CHODL: variants seen among roughly 807,000 people sequenced by gnomAD.
CHODL encodes the protein transmembrane protein MT75.
A neutral mutation model predicts 34.5 loss-of-function variants in CHODL; 29 were observed. The observed-to-expected ratio is 0.84, with a 90% CI of 0.63 to 1.15. CHODL has a LOEUF of 1.15. Ranked by LOEUF, CHODL falls within the 50% of genes most tolerant of loss-of-function variation. The probability of loss-of-function intolerance (pLI) is 0.00; values close to 1 mark genes in which losing one functional copy is unlikely to be tolerated. For missense variants in CHODL, 332 were observed against 332.5 expected, an observed-to-expected ratio of 1.00 and a Z score of 0.01; for synonymous variants, 125 against 116.1, an observed-to-expected ratio of 1.08 and a Z score of -0.49.
At chr21:18,174,553 T>C (rs989258747) in intron 2 of CHODL, among the ~76,000 whole-genome samples, 5 of 152,182 alleles carry the variant, frequency 3.3e-5, no homozygotes, top group Non-Finnish European at 7.4e-5. Flanking sequence ...TTTTTGAAGA[T>C]ACAATTATTG....
At chr21:18,196,715 A>C (rs2073592259) in intron 2 of CHODL, among the ~76,000 whole-genome samples, 1 of 152,200 alleles carries the variant, frequency 6.6e-6, no homozygotes, top group Admixed American at 6.5e-5. Context: ...TCATATAAAA[A>C]TAGGATTTTA....
intron 2 of CHODL, among the ~76,000 whole-genome samples, chr21:18,064,100 G>A (rs958734862): frequency 5.9e-5 from 9 of 152,220 alleles, no homozygotes; most frequent in Admixed American, 5.2e-4. Flanking sequence ...GTTCTTTTAA[G>A]AGCCTTTCTT....
chr21:18,245,322 C>T lies in CHODL; in HGVS notation c.79+20C>T. 2 of 1,510,208 alleles carry T rather than the reference C, an allele frequency of 1.3e-6. No homozygotes were observed. Among genetic ancestry groups the T allele is most frequent in the Non-Finnish European group, 1.8e-6 (2 of 1,134,112 alleles). The allele number at this position is 1,510,208 out of a possible 1,614,324, so 93.6% of individuals were successfully genotyped here. ...TCAGCGGTGAGTCAGGGGCCGTCTCCCCGAAGAACGAGCGGGGAGAGGGGA... is the reference window on the plus strand; with the variant it reads ...TCAGCGGTGAGTCAGGGGCCGTCTCTCCGAAGAACGAGCGGGGAGAGGGGA... On this transcript the variant is annotated intron_variant, in intron 1 of 5. Coordinates refer to ENST00000299295, the MANE Select transcript of CHODL (RefSeq NM_024944.3).
At chr21:18,250,488 A>C (rs927841430) in intron 1 of CHODL, among the ~76,000 whole-genome samples, 1 of 151,912 alleles carries the variant, frequency 6.6e-6, no homozygotes, top group East Asian at 1.9e-4. Context: ...TTAATGTAAG[A>C]AAATAGACTC....
intron 2 of CHODL, among the ~76,000 whole-genome samples, chr21:18,106,841 G>C (rs555875575): frequency 1.3e-5 from 2 of 152,252 alleles, no homozygotes; most frequent in South Asian, 4.2e-4. Context: ...ACACCACTAG[G>C]AGTTAGAACA....
intron 1 of CHODL, among the ~76,000 whole-genome samples, chr21:18,017,390 G>T (rs1374060843): frequency 1.3e-5 from 2 of 152,206 alleles, no homozygotes; most frequent in South Asian, 2.1e-4. Flanking sequence ...CACTTCCTTT[G>T]CTCTTTCTCC....
intron 1 of CHODL, among the ~76,000 whole-genome samples, chr21:17,975,272 A>G (rs1370457765): frequency 6.6e-6 from 1 of 152,148 alleles, no homozygotes; most frequent in African/African-American, 2.4e-5. Flanking sequence ...CTGAGTACAT[A>G]TGGACACGTG....
chr21:18,190,112 A>T (rs912528485), intron 2 of CHODL, among the ~76,000 whole-genome samples: 26 of 152,060 alleles, frequency 1.7e-4, no homozygotes, highest in Admixed American at 1.6e-3. Context: ...CATTTTTCTC[A>T]TTTATGTATT....
intron 2 of CHODL, among the ~76,000 whole-genome samples, chr21:18,099,402 A>G (rs888196577): frequency 3.3e-5 from 5 of 151,566 alleles, no homozygotes; most frequent in Admixed American, 3.3e-4. Context: ...AAAAATTTAA[A>G]AATAATAATA....
chr21:17,973,384 TCTA>T (rs1434601008), intron 1 of CHODL, among the ~76,000 whole-genome samples: 2 of 151,298 alleles, frequency 1.3e-5, no homozygotes, highest in Non-Finnish European at 2.9e-5. Context: ...ATTTTTGCAA[TCTA>T]CTATGCATTT....
chr21:18,265,148 T>C (rs1193191168), intron 5 of CHODL, among the ~76,000 whole-genome samples: 1 of 151,170 alleles, frequency 6.6e-6, no homozygotes, highest in Non-Finnish European at 1.5e-5. Context: ...CATCAATCAA[T>C]GCGTGGATAA....
intron 2 of CHODL, among the ~76,000 whole-genome samples, chr21:18,229,212 T>C (rs1347951927): frequency 2.0e-5 from 3 of 152,194 alleles, no homozygotes; most frequent in Non-Finnish European, 4.4e-5. Flanking sequence ...TTTTGCCTTC[T>C]TATATGTGCA....
intron 2 of CHODL, among the ~76,000 whole-genome samples, chr21:18,146,242 G>C (rs1360732166): frequency 6.6e-6 from 1 of 151,706 alleles, no homozygotes; most frequent in Non-Finnish European, 1.5e-5. Context: ...CTCCCAAAGT[G>C]CTGGGATTAC....
intron 2 of CHODL, among the ~76,000 whole-genome samples, chr21:18,205,389 A>C (rs2073700579): frequency 6.6e-6 from 1 of 152,120 alleles, no homozygotes; most frequent in African/African-American, 2.4e-5. Flanking sequence ...TATGACATTG[A>C]CTGATTTGTA....
In CHODL at chr21:18,225,213, A is replaced by G. The variant is rs377345922; in HGVS notation, c.-44-31296A>G. 3.0e-4 allele frequency among the ~76,000 whole-genome samples: 46 copies of G among 152,276 alleles called. 1 individual carries two copies. The highest frequency in any genetic ancestry group is 1.0e-3 in the African/African-American group (42 of 41,582). The stretch of plus-strand genomic sequence containing the variant: ...CCGTTATCATGAATGTAGTAACCAT[A>G]AGGATGCAATTGTTAAGAGGTGATA... On this transcript the variant is annotated intron_variant, in intron 2 of 6. Coordinates refer to the CHODL transcript ENST00000400127.
intron 2 of CHODL, among the ~76,000 whole-genome samples, chr21:18,201,061 T>C (rs1318171077): frequency 1.3e-5 from 2 of 152,188 alleles, no homozygotes; most frequent in African/African-American, 4.8e-5. Context: ...ACCCAGTTTG[T>C]GGCAATATGT....
At chr21:18,026,638 A>C (rs284830) in intron 1 of CHODL, among the ~76,000 whole-genome samples, 2,381 of 152,306 alleles carry the variant, frequency 0.016, 62 homozygotes, top group African/African-American at 0.054. Context: ...TATTACATGC[A>C]TTAACATTCA....
intron 2 of CHODL, among the ~76,000 whole-genome samples, chr21:18,096,271 T>A (rs1198671534): frequency 1.3e-5 from 2 of 152,254 alleles, no homozygotes; most frequent in African/African-American, 4.8e-5. Context: ...CTGTACAAAT[T>A]GTTTGTAAAA....
intron 1 of CHODL, among the ~76,000 whole-genome samples, chr21:17,961,581 T>G (rs1274581618): frequency 2.0e-5 from 3 of 152,222 alleles, no homozygotes; most frequent in African/African-American, 7.2e-5. Flanking sequence ...CCCCAGCTGA[T>G]GCTTACTTGC....
Sources: allele counts gnomAD v4.1 joint callset (sites outside exome capture counted in the v4.1 genomes callset), GRCh38; gene constraint gnomAD v4.1.1; transcripts MANE v1.5; gene names NCBI Gene and HGNC (gene_info 2026-07-23, HGNC 2026-07-21).